The following SCGN variants were observed in gnomAD, a reference collection of about 807,000 sequenced individuals.
SCGN encodes secretagogin.
Under a neutral mutation model 39.7 loss-of-function variants are expected in SCGN, and 30 were observed. The observed-to-expected ratio is 0.76, with a 90% CI of 0.57 to 1.03. The LOEUF (loss-of-function observed/expected upper bound fraction) is 1.03. Ranked by LOEUF, SCGN falls within the 50% of genes least tolerant of loss-of-function variation. The pLI is 0.00. For missense variants in SCGN, 353 were observed against 349.4 expected, an observed-to-expected ratio of 1.01 and a Z score of -0.08; for synonymous variants, 106 against 114.1, an observed-to-expected ratio of 0.93 and a Z score of 0.45.
chr6:25,691,718 A>T (rs1759775820), intron 10 of SCGN, among the ~76,000 whole-genome samples: 1 of 152,194 alleles, frequency 6.6e-6, no homozygotes, highest in Admixed American at 6.5e-5. Context: ...AGTTAAGCAG[A>T]TCATTTCCTA....
chr6:25,688,524 C>A (rs935002082), intron 7 of SCGN, among the ~76,000 whole-genome samples: 6 of 152,108 alleles, frequency 3.9e-5, no homozygotes, highest in African/African-American at 1.4e-4. Context: ...TTTGGAGGCC[C>A]GGTGCCGTGG....
At chr6:25,678,215 T>C (rs1759590539) in intron 6 of SCGN, among the ~76,000 whole-genome samples, 1 of 152,018 alleles carries the variant, frequency 6.6e-6, no homozygotes, top group African/African-American at 2.4e-5. Flanking sequence ...GGAAAAGCAG[T>C]GGTAGAGGTG....
At chr6:25,679,526 G>A (rs1046112802) in intron 6 of SCGN, among the ~76,000 whole-genome samples, 6 of 152,158 alleles carry the variant, frequency 3.9e-5, no homozygotes, top group African/African-American at 1.4e-4. Flanking sequence ...TGGGTTGTGG[G>A]CTGAGGGCTG....
chr6:25,653,328 T>A lies in SCGN; in HGVS notation c.83-54T>A, dbSNP rs111333269. 2.1e-5 allele frequency: 24 copies of A among 1,148,878 alleles called. 1 individual carries two copies. Among genetic ancestry groups the A allele is most frequent in the African/African-American group, 2.0e-4 (12 of 59,584 alleles). The allele number at this position is 1,148,878 out of a possible 1,614,324, so 71.2% of individuals were successfully genotyped here. ...ATTAAAAACATATTTAGATAAATAC[T>A]GTCATGTGTTTTTTATATGTTAGTA... On this transcript the variant is annotated intron_variant, in intron 1 of 10. Transcript: ENST00000377961.
chr6:25,677,617 C>G (rs1435573476), intron 6 of SCGN, among the ~76,000 whole-genome samples: 2 of 151,890 alleles, frequency 1.3e-5, no homozygotes, highest in African/African-American at 4.8e-5. Context: ...TGCATATAGT[C>G]CTATTTGTCA....
chr6:25,677,274 T>A (rs926204933), intron 6 of SCGN, among the ~76,000 whole-genome samples: 1 of 152,226 alleles, frequency 6.6e-6, no homozygotes, highest in African/African-American at 2.4e-5. Flanking sequence ...GTTAAAGAGA[T>A]AATGCTGAAT....
At position 25,677,599 on chromosome 6, in the gene SCGN, T is replaced by G. The variant is rs190415123; in HGVS notation, c.472-4352T>G. On this transcript the variant is annotated intron_variant, in intron 6 of 10. Transcript: ENST00000377961. ...TTAAATAAAAAAGGAAGTTGCAAGA[T>G]AGTCTATTGCATATAGTCCTATTTG... Among the ~76,000 whole-genome samples the G allele has an allele frequency of 4.6e-5, 7 of 152,356 alleles. No individual in the cohort carries two copies. The East Asian group carries it at 1.3e-3, about 29-fold the overall frequency.
At chr6:25,686,639 A>G (rs1192473646) in intron 7 of SCGN, among the ~76,000 whole-genome samples, 3 of 152,066 alleles carry the variant, frequency 2.0e-5, no homozygotes, top group African/African-American at 7.2e-5. Context: ...TTTTTCCATT[A>G]TGAGAGTCGT....
Position 25,666,288 on chromosome 6 carries a change from G to A in SCGN, c.336+1256G>A, listed in dbSNP as rs534299551. On this transcript the variant is annotated intron_variant, in intron 4 of 10. Coordinates refer to ENST00000377961, the MANE Select transcript of SCGN (RefSeq NM_006998.4). ...GGAGAATCACTTGAACCCAGGAGGC[G>A]GAGTTGTAGTGAGCATAGATCGCAC... Among the ~76,000 whole-genome samples the A allele has an allele frequency of 2.1e-4, 32 of 152,028 alleles. 1 individual carries two copies. Among genetic ancestry groups the A allele is most frequent in the Middle Eastern group, 3.4e-3 (1 of 294 alleles).
At chr6:25,688,512 G>A (rs1241151892) in intron 7 of SCGN, among the ~76,000 whole-genome samples, 4 of 152,142 alleles carry the variant, frequency 2.6e-5, no homozygotes. Flanking sequence ...AGATTCAGCT[G>A]TTTTGGAGGC....
intron 6 of SCGN, among the ~76,000 whole-genome samples, chr6:25,673,577 T>C (rs1189318689): frequency 6.6e-6 from 1 of 152,188 alleles, no homozygotes; most frequent in African/African-American, 2.4e-5. Context: ...ATCAGAGTGA[T>C]CTCACCCAAT....
intron 10 of SCGN, among the ~76,000 whole-genome samples, chr6:25,697,852 T>C (rs936818280): frequency 1.3e-5 from 2 of 152,242 alleles, no homozygotes; most frequent in South Asian, 2.1e-4. Context: ...ATAAAAAATA[T>C]ACACTTTGGG....
At chr6:25,668,143 A>G (rs555002496) in intron 4 of SCGN, among the ~76,000 whole-genome samples, 1 of 152,258 alleles carries the variant, frequency 6.6e-6, no homozygotes, top group East Asian at 1.9e-4. Context: ...GATTGTGGTT[A>G]ATAATTAAGG....
intron 10 of SCGN, among the ~76,000 whole-genome samples, chr6:25,693,356 G>A (rs1759797095): frequency 6.7e-6 from 1 of 149,130 alleles, no homozygotes; most frequent in South Asian, 2.1e-4. Flanking sequence ...GGAGGCTTAG[G>A]CAGGAGAATG....
chr6:25,664,465 C>G (rs930233833), intron 3 of SCGN, among the ~76,000 whole-genome samples: 1 of 152,130 alleles, frequency 6.6e-6, no homozygotes, highest in Non-Finnish European at 1.5e-5. Context: ...TAGAAAATAA[C>G]AGTAATGGTA....
intron 9 of SCGN, among the ~76,000 whole-genome samples, chr6:25,690,229 C>T (rs1311585945): frequency 2.0e-5 from 3 of 152,106 alleles, no homozygotes; most frequent in Non-Finnish European, 4.4e-5. Context: ...ACCTATGTGG[C>T]CTTGGGCAGG....
chr6:25,653,632 C>A (rs1324959226), intron 2 of SCGN, among the ~76,000 whole-genome samples, 180 bp downstream of exon 2: 16 of 152,212 alleles, frequency 1.1e-4, no homozygotes, highest in Admixed American at 1.0e-3. Flanking sequence ...AAAGGTGCAA[C>A]TGTAGCATTA....
rs542385985 is a variant in SCGN at position 25,665,901 on chromosome 6, G to A, written c.336+869G>A. On this transcript the variant is annotated intron_variant, in intron 4 of 10. Transcript: ENST00000377961. ...CACAAAAATATGCAATACTTTCAAGGAAGCCCAGAGATTGTCACTGACGTT... is the reference window on the plus strand; with the variant it reads ...CACAAAAATATGCAATACTTTCAAGAAAGCCCAGAGATTGTCACTGACGTT... Among the ~76,000 whole-genome samples the A allele has an allele frequency of 1.6e-4, 25 of 152,242 alleles. No individual in the cohort carries two copies. In the South Asian group the frequency reaches 4.4e-3, roughly 27 times the overall value.
chr6:25,700,952 C>G (rs1422299457), intron 10 of SCGN, among the ~76,000 whole-genome samples: 1 of 152,152 alleles, frequency 6.6e-6, no homozygotes, highest in Non-Finnish European at 1.5e-5. Context: ...CAGTCTTTTT[C>G]TAAGAACTGC....
Sources: gnomAD v4.1 joint callset for allele counts (sites outside exome capture counted in the v4.1 genomes callset) on GRCh38, gnomAD v4.1.1 for gene constraint, MANE v1.5 for transcripts, NCBI Gene and HGNC (gene_info 2026-07-23, HGNC 2026-07-21) for gene names.